The following DGKI variants were observed in gnomAD, a reference collection of about 807,000 sequenced individuals.
DGKI encodes the protein diacylglycerol kinase iota.
A neutral mutation model predicts 147.5 loss-of-function variants in DGKI; 55 were observed. The observed-to-expected ratio is 0.37, with a 90% confidence interval of 0.30 to 0.47. The LOEUF is 0.47. Among genes scored for constraint, DGKI ranks in the 20% least tolerant of loss-of-function variants. The pLI, the probability that DGKI is intolerant of heterozygous loss-of-function variation, is 1.00. For missense variants in DGKI, 1,007 were observed against 1,323.8 expected (o/e 0.76, Z 3.71); for synonymous variants, 469 against 477.1 (o/e 0.98, Z 0.22).
chr7:137,592,626 G>T (rs1166072896), intron 12 of DGKI, among the ~76,000 whole-genome samples: 1 of 152,240 alleles, frequency 6.6e-6, no homozygotes, highest in African/African-American at 2.4e-5. Context: ...GCGCTGCCTT[G>T]TAGTACATGC....
intron 1 of DGKI, among the ~76,000 whole-genome samples, chr7:137,733,022 T>C (rs1489322833): frequency 2.0e-5 from 3 of 152,146 alleles, no homozygotes; most frequent in Non-Finnish European, 4.4e-5. Context: ...CAATAGGCAT[T>C]CTTCAGTCCT....
At chr7:137,576,312 A>G (rs1818974041) in intron 17 of DGKI, among the ~76,000 whole-genome samples, 1 of 152,166 alleles carries the variant, frequency 6.6e-6, no homozygotes, top group African/African-American at 2.4e-5. Context: ...AGCTAGGATT[A>G]CAGGCATGAG....
intron 19 of DGKI, among the ~76,000 whole-genome samples, chr7:137,557,646 C>T (rs1312221638): frequency 6.6e-6 from 1 of 152,138 alleles, no homozygotes; most frequent in Non-Finnish European, 1.5e-5. Context: ...TTTTCTCAAT[C>T]AGTGTCTGGC....
chr7:137,803,652 G>A (rs2116970811), intron 1 of DGKI, among the ~76,000 whole-genome samples: 1 of 152,288 alleles, frequency 6.6e-6, no homozygotes, highest in Non-Finnish European at 1.5e-5. Flanking sequence ...CTTTTCCTGA[G>A]CACAATGTTT....
intron 1 of DGKI, among the ~76,000 whole-genome samples, chr7:137,834,243 C>T (rs573058553): frequency 1.4e-3 from 210 of 152,240 alleles, no homozygotes; most frequent in Non-Finnish European, 6.6e-4. Context: ...TATGCCAGGC[C>T]GGGAAGTCAA....
intron 6 of DGKI, among the ~76,000 whole-genome samples, chr7:137,641,347 A>G (rs1187616049): frequency 6.6e-6 from 1 of 152,188 alleles, no homozygotes; most frequent in East Asian, 1.9e-4. Context: ...AAAAATGTAG[A>G]CAAAGTTTAA....
intron 1 of DGKI, among the ~76,000 whole-genome samples, chr7:137,831,185 G>A (rs896546496): frequency 6.6e-5 from 10 of 152,144 alleles, no homozygotes; most frequent in Non-Finnish European, 1.2e-4. Flanking sequence ...GAGGCTGCTG[G>A]GCCATTCGCC....
chr7:137,425,446 GGA>G (rs1229389463), intron 28 of DGKI, among the ~76,000 whole-genome samples: 3 of 152,042 alleles, frequency 2.0e-5, no homozygotes, highest in Non-Finnish European at 4.4e-5. Context: ...ACAAAGATGG[GGA>G]AAAAACAGAG....
intron 24 of DGKI, among the ~76,000 whole-genome samples, chr7:137,468,996 G>C (rs1814771274): frequency 6.6e-6 from 1 of 152,088 alleles, no homozygotes; most frequent in African/African-American, 2.4e-5. Flanking sequence ...CAGCATCTAG[G>C]AGAGAGATAC....
intron 1 of DGKI, among the ~76,000 whole-genome samples, chr7:137,710,735 A>AAC (rs1402980174): frequency 2.0e-5 from 3 of 152,058 alleles, no homozygotes; most frequent in East Asian, 1.9e-4. Context: ...TAATAAATAG[A>AAC]ACACACACAC....
chr7:137,627,577 C>A (rs186220252), intron 6 of DGKI, among the ~76,000 whole-genome samples: 43 of 152,252 alleles, frequency 2.8e-4, no homozygotes, highest in African/African-American at 9.1e-4. Context: ...ACAGCCACTG[C>A]AAAGATGGTA....
intron 8 of DGKI, among the ~76,000 whole-genome samples, chr7:137,617,890 G>T (rs572912711): frequency 3.7e-4 from 56 of 151,632 alleles, no homozygotes; most frequent in African/African-American, 1.3e-3. Flanking sequence ...GGAGACACAT[G>T]AAAAAGAATG....
intron 32 of DGKI, 91 bp from the exon 33 acceptor site, chr7:137,391,427 C>CA (rs1452142458): frequency 1.5e-5 from 13 of 889,122 alleles, no homozygotes; most frequent in South Asian, 3.4e-5. Context: ...CAAAACAAAA[C>CA]AAAAATCACA....
At chr7:137,565,183 A>G (rs1008202461) in intron 19 of DGKI, among the ~76,000 whole-genome samples, 2 of 152,202 alleles carry the variant, frequency 1.3e-5, no homozygotes, top group Admixed American at 6.5e-5. Flanking sequence ...AAAGCTTCAT[A>G]AAGGAAACTT....
chr7:137,739,058 T>C (rs77176108), intron 1 of DGKI, among the ~76,000 whole-genome samples: 4,056 of 152,198 alleles, frequency 0.027, 179 homozygotes, highest in African/African-American at 0.092. Flanking sequence ...AGCAAAACCA[T>C]GCAGAGCCAC....
At chr7:137,410,173 A>G (rs944075139) in intron 29 of DGKI, among the ~76,000 whole-genome samples, 1 of 152,174 alleles carries the variant, frequency 6.6e-6, no homozygotes, top group Non-Finnish European at 1.5e-5. Context: ...CAGGAGGCCA[A>G]GGCAAGCGGA....
intron 31 of DGKI, 138 bp from the exon 32 acceptor site, chr7:137,395,835 G>A (rs1468208678): frequency 3.2e-6 from 2 of 629,618 alleles, no homozygotes; most frequent in African/African-American, 3.6e-5. Context: ...GGTACATTCT[G>A]GGGAGGTAGG....
At chr7:137,654,304 C>T (rs892557400) in intron 5 of DGKI, among the ~76,000 whole-genome samples, 1 of 152,176 alleles carries the variant, frequency 6.6e-6, no homozygotes, top group Non-Finnish European at 1.5e-5. Context: ...GACTCCAGGG[C>T]TCATAGGAAT....
In DGKI at chr7:137,605,666, T is replaced by C. The variant is rs567316690; in HGVS notation, c.1167+3300A>G. 5.3e-5 allele frequency among the ~76,000 whole-genome samples: 8 copies of C among 152,328 alleles called. No individual in the cohort carries two copies. The South Asian group carries it at 1.2e-3, about 24-fold the overall frequency. On this transcript the variant is annotated intron_variant, in intron 10 of 32. Transcript: ENST00000614521. ...ATCCTGTCATTTGCAGCAACAAAGA[T>C]AGAACTGGAGGTCATTATGTTAAGT...
Sources: allele counts gnomAD v4.1 joint callset (sites outside exome capture counted in the v4.1 genomes callset), GRCh38; gene constraint gnomAD v4.1.1; transcripts MANE v1.5; gene names NCBI Gene and HGNC (gene_info 2026-07-23, HGNC 2026-07-21).